Variants in CSTA observed in about 807,000 individuals in gnomAD.
CSTA encodes the protein cystatin-A.
A neutral mutation model predicts 9.2 loss-of-function variants in CSTA; 9 were observed. The observed-to-expected ratio is 0.97, with a 90% CI of 0.59 to 1.70. The LOEUF (loss-of-function observed/expected upper bound fraction) is 1.70. Ranked by LOEUF, CSTA falls within the 40% of genes most tolerant of loss-of-function variation. The pLI, the probability that CSTA is intolerant of heterozygous loss-of-function variation, is 0.00. For missense variants in CSTA, 118 were observed against 113.1 expected (o/e 1.04, Z -0.20); for synonymous variants, 36 against 40.6 (o/e 0.89, Z 0.43).
intron 1 of CSTA, among the ~76,000 whole-genome samples, chr3:122,331,269 T>TCTCTC: frequency 6.6e-6 from 1 of 152,204 alleles, no homozygotes; most frequent in African/African-American, 2.4e-5. Context: ...ACCCTGGAAC[T>TCTCTC]TAGCATGTCA....
rs199611632 is a variant in CSTA, at chr3:122,333,728, AAGAAAG to A, written c.67-3811_67-3806del. Among the ~76,000 whole-genome samples, 477 of 140,188 alleles carry A rather than the reference AAGAAAG, an allele frequency of 3.4e-3. 4 individuals are homozygous for A. The highest frequency in any genetic ancestry group is 3.6e-3 in the Non-Finnish European group (240 of 66,204). The allele number at this position is 140,188 out of a possible 152,430, so 92.0% of individuals were successfully genotyped here. A position where few individuals can be genotyped will look rare whatever the true frequency, so the allele number is the denominator to read the frequency against. On this transcript the variant is annotated intron_variant, in intron 1 of 2. Coordinates refer to ENST00000264474, the MANE Select transcript of CSTA (RefSeq NM_005213.4). Reference sequence around the variant, plus strand: ...AAAGAAAAAGAAAGAAAGAGAAAGAAAGAAAGAGAAAGAAAGAAAAGAAAAGAAAGG... The same window carrying A: ...AAAGAAAAAGAAAGAAAGAGAAAGAAAGAAAGAAAGAAAAGAAAAGAAAGG...
At chr3:122,337,789 G>T in intron 2 of CSTA, 141 bp downstream of exon 2, 2 of 723,372 alleles carry the variant, frequency 2.8e-6, no homozygotes, top group Non-Finnish European at 5.0e-6. Context: ...TCCAAGTGGT[G>T]GACTCTCAAA....
chr3:122,337,403 T>G, intron 1 of CSTA, 144 bp from the exon 2 acceptor site: 1 of 643,002 alleles, frequency 1.6e-6, no homozygotes, highest in East Asian at 2.8e-5. Context: ...AACAGGTGTT[T>G]TCTATTGAAA....
chr3:122,327,454 G>A (rs1235928151), intron 1 of CSTA, among the ~76,000 whole-genome samples: 7 of 150,660 alleles, frequency 4.6e-5, no homozygotes, highest in Admixed American at 1.3e-4. Flanking sequence ...GCGTGAACCC[G>A]GGAGGTGGAG....
Position 122,341,904 on chromosome 3 carries a change from G to T in CSTA, c.*337G>T. The T allele has an allele frequency of 3.1e-6, 1 of 319,710 alleles. No individual in the cohort carries two copies. Among genetic ancestry groups the T allele is most frequent in the Non-Finnish European group, 6.0e-6 (1 of 167,846 alleles). The allele number at this position is 319,710 out of a possible 1,614,324, so 19.8% of individuals were successfully genotyped here. On this transcript the variant is annotated 3_prime_UTR_variant, in exon 3 of 3. Coordinates refer to ENST00000264474, the MANE Select transcript of CSTA (RefSeq NM_005213.4). ...TTCACCAGCCTCCTTGTTCCCTGTG[G>T]CTGCTGATAACCCAACATTCCATCT...
Position 122,337,609 on chromosome 3 carries a change from T to G in CSTA, c.129T>G (p.Tyr43Ter), listed in dbSNP as rs2075243076. The G allele has an allele frequency of 1.9e-6, 3 of 1,613,330 alleles. No homozygotes were observed. Among genetic ancestry groups the G allele is most frequent in the Non-Finnish European group, 2.5e-6 (3 of 1,179,432 alleles). ...ACGGAAAATTGGAAGCTGTGCAGTATAAAACTCAAGTTGTTGCTGGAACAA... is the reference window on the plus strand; with the variant it reads ...ACGGAAAATTGGAAGCTGTGCAGTAGAAAACTCAAGTTGTTGCTGGAACAA... ...ETYGKLEAVQ[Y>*]KTQVVAGTNY... The change falls in exon 2 of 3, where the codon TAT becomes TAG. Residue 43 changes from tyrosine to a stop codon, truncating the protein, a stop_gained. Coordinates refer to ENST00000264474, the MANE Select transcript of CSTA (RefSeq NM_005213.4). LOFTEE classifies it low-confidence loss of function (END_TRUNC).
Position 122,341,609 on chromosome 3 carries a change from T to C in CSTA, c.*42T>C, listed in dbSNP as rs769226460. 7 of 1,612,076 alleles carry C rather than the reference T, an allele frequency of 4.3e-6. No individual in the cohort carries two copies. Among genetic ancestry groups the C allele is most frequent in the Non-Finnish European group, 5.9e-6 (7 of 1,178,228 alleles). On this transcript the variant is annotated 3_prime_UTR_variant, in exon 3 of 3. Transcript: ENST00000264474. Reference sequence around the variant, plus strand: ...TGTTCTGATTCCTTCAACTGGCTACTGAGTCATGATCCTTGCTGATAAATA... The same window carrying C: ...TGTTCTGATTCCTTCAACTGGCTACCGAGTCATGATCCTTGCTGATAAATA...
At chr3:122,340,928 A>T (rs9784373) in intron 2 of CSTA, among the ~76,000 whole-genome samples, 3,268 of 142,944 alleles carry the variant, frequency 0.023, 109 homozygotes, top group African/African-American at 0.08. Context: ...GCCTCTTGCC[A>T]TGCCATTAGT....
chr3:122,335,161 C>T (rs2107667548), intron 1 of CSTA, among the ~76,000 whole-genome samples: 1 of 152,304 alleles, frequency 6.6e-6, no homozygotes, highest in Non-Finnish European at 1.5e-5. Flanking sequence ...GGGACTGTCT[C>T]CCTTCTCATG....
At chr3:122,331,118 C>CAG (rs1011299241) in intron 1 of CSTA, among the ~76,000 whole-genome samples, 4 of 151,654 alleles carry the variant, frequency 2.6e-5, no homozygotes, top group Non-Finnish European at 5.9e-5. Context: ...CACACACACA[C>CAG]ACACACACAC....
At chr3:122,333,475 C>T (rs961111108) in intron 1 of CSTA, among the ~76,000 whole-genome samples, 1 of 150,158 alleles carries the variant, frequency 6.7e-6, no homozygotes, top group Admixed American at 6.7e-5. Flanking sequence ...TGTGCCACTA[C>T]ACTCCAGCCT....
At chr3:122,341,347 C>G (rs1176416456) in intron 2 of CSTA, 92 bp from the exon 3 acceptor site, 1 of 1,407,942 alleles carries the variant, frequency 7.1e-7, no homozygotes, top group South Asian at 1.2e-5. Context: ...GCTTTTTGGA[C>G]AGAAGTCTTT....
intron 1 of CSTA, among the ~76,000 whole-genome samples, chr3:122,333,731 A>AG (rs1553772244): frequency 1.7e-5 from 2 of 118,048 alleles, no homozygotes; most frequent in African/African-American, 3.8e-5. Context: ...AGAAAGAAAG[A>AG]AAGAGAAAGA....
chr3:122,337,105 T>G (rs1003544992), intron 1 of CSTA, among the ~76,000 whole-genome samples: 2 of 152,162 alleles, frequency 1.3e-5, no homozygotes, highest in African/African-American at 4.8e-5. Context: ...ATTTCCTCAT[T>G]TTGGTGATTA....
chr3:122,341,231 G>A lies in CSTA; in HGVS notation c.169-208G>A, dbSNP rs562648961. On this transcript the variant is annotated intron_variant, in intron 2 of 2. Transcript: ENST00000264474. ...GCTAGGATTACAGGTGGGAGCCACG[G>A]CACCCAGCCTAGTCTGCTCTTTTTC... Among the ~76,000 whole-genome samples the A allele has an allele frequency of 3.3e-5, 5 of 152,200 alleles. No individual in the cohort carries two copies. In the South Asian group the frequency reaches 1.0e-3, roughly 32 times the overall value.
At chr3:122,328,272 G>A (rs1479711938) in intron 1 of CSTA, among the ~76,000 whole-genome samples, 1 of 151,976 alleles carries the variant, frequency 6.6e-6, no homozygotes, top group African/African-American at 2.4e-5. Context: ...AGGCTGAGGC[G>A]GGCAGATCAC....
chr3:122,329,250 G>A (rs1415896335), intron 1 of CSTA, among the ~76,000 whole-genome samples: 1 of 151,188 alleles, frequency 6.6e-6, no homozygotes, highest in African/African-American at 2.4e-5. Flanking sequence ...ACAGGCGTGA[G>A]CCACCGCGCC....
chr3:122,332,783 C>T (rs1453141490), intron 1 of CSTA, among the ~76,000 whole-genome samples: 1 of 152,178 alleles, frequency 6.6e-6, no homozygotes. Context: ...AAGGTGAAGG[C>T]CAACTGCATT....
At chr3:122,332,143 C>T (rs2075208823) in intron 1 of CSTA, among the ~76,000 whole-genome samples, 1 of 152,172 alleles carries the variant, frequency 6.6e-6, no homozygotes, top group African/African-American at 2.4e-5. Flanking sequence ...TGGTCTGCAG[C>T]CCAGGGGTTG....
Sources: gnomAD v4.1 joint callset for allele counts (sites outside exome capture counted in the v4.1 genomes callset) on GRCh38, gnomAD v4.1.1 for gene constraint, MANE v1.5 for transcripts, NCBI Gene and HGNC (gene_info 2026-07-23, HGNC 2026-07-21) for gene names.